The following SGCZ variants were observed in gnomAD, a reference collection of about 807,000 sequenced individuals.
SGCZ encodes the protein sarcoglycan zeta.
Under a neutral mutation model 41.3 loss-of-function variants are expected in SGCZ, and 40 were observed. That is an observed-to-expected ratio of 0.97 (90% CI 0.75 to 1.26). The LOEUF is 1.26. Among genes scored for constraint, SGCZ ranks in the 50% most tolerant of loss-of-function variants. SGCZ has a pLI of 0.00. For synonymous variants in SGCZ, 206 were observed against 137.5 expected, an observed-to-expected ratio of 1.50 and a Z score of -3.49; for missense variants, 552 against 369.8, an observed-to-expected ratio of 1.49 and a Z score of -4.04.
intron 7 of SGCZ, among the ~76,000 whole-genome samples, chr8:14,092,037 G>A (rs1301181562): frequency 6.6e-6 from 1 of 152,068 alleles, no homozygotes; most frequent in African/African-American, 2.4e-5. Context: ...TCTGCGTATG[G>A]CTAGCCAGTT....
At chr8:14,294,243 T>A (rs183826068) in intron 3 of SGCZ, among the ~76,000 whole-genome samples, 14 of 152,050 alleles carry the variant, frequency 9.2e-5, no homozygotes, top group Admixed American at 1.3e-4. Context: ...TATTTATGTA[T>A]ATATTTATTT....
Position 14,188,830 on chromosome 8 carries a change from T to G in SGCZ, c.425-24128A>C, listed in dbSNP as rs1164677430. ...TTTGTTTGTTTGTTTCTTTGTTTTTTTTTGTTTGTTTGTTTTTTGAGATGG... is the reference window on the plus strand; with the variant it reads ...TTTGTTTGTTTGTTTCTTTGTTTTTGTTTGTTTGTTTGTTTTTTGAGATGG... On this transcript the variant is annotated intron_variant, in intron 4 of 7. Coordinates refer to ENST00000382080, the MANE Select transcript of SGCZ (RefSeq NM_139167.4). Among the ~76,000 whole-genome samples the G allele has an allele frequency of 1.4e-3, 78 of 55,000 alleles. 1 individual carries two copies. The highest frequency in any genetic ancestry group is 0.013 in the Admixed American group (70 of 5,550). 36.1% of individuals were successfully genotyped at this position (55,000 alleles called of 152,430 possible).
intron 1 of SGCZ, among the ~76,000 whole-genome samples, chr8:14,840,775 G>C (rs1348733856): frequency 6.6e-6 from 1 of 152,064 alleles, no homozygotes. Context: ...CATTTGATTA[G>C]ACAGCATCTA....
Position 14,089,705 on chromosome 8 carries a change from A to G in SGCZ, c.*738T>C, listed in dbSNP as rs560195292. 1.2e-4 allele frequency among the ~76,000 whole-genome samples: 18 copies of G among 152,172 alleles called. No individual in the cohort carries two copies. The highest frequency in any genetic ancestry group is 4.3e-4 in the African/African-American group (18 of 41,552). On this transcript the variant is annotated 3_prime_UTR_variant, in exon 8 of 8. Coordinates refer to ENST00000382080, the MANE Select transcript of SGCZ (RefSeq NM_139167.4). ...TGCAGTAGCCATGTAAATACTATAT[A>G]AGGCCATCCAGATCTGACCAATGAC...
intron 2 of SGCZ, among the ~76,000 whole-genome samples, chr8:14,440,754 T>C (rs1036152783): frequency 6.8e-6 from 1 of 147,604 alleles, no homozygotes; most frequent in Admixed American, 6.8e-5. Flanking sequence ...TACATACGTA[T>C]ACACGTATAT....
chr8:14,118,184 A>G (rs1802582759), intron 5 of SGCZ, among the ~76,000 whole-genome samples: 1 of 152,052 alleles, frequency 6.6e-6, no homozygotes, highest in Non-Finnish European at 1.5e-5. Context: ...GGTTGAACTA[A>G]TTTGCACTCC....
chr8:14,564,430 G>A (rs1409176146), intron 1 of SGCZ, among the ~76,000 whole-genome samples: 1 of 152,158 alleles, frequency 6.6e-6, no homozygotes, highest in Non-Finnish European at 1.5e-5. Context: ...ATCCCAGCTT[G>A]TCCATTGCCT....
intron 1 of SGCZ, among the ~76,000 whole-genome samples, chr8:14,951,923 G>A (rs978180565): frequency 2.6e-5 from 4 of 152,012 alleles, no homozygotes; most frequent in African/African-American, 9.7e-5. Flanking sequence ...TGCTTGCCTA[G>A]TGGGCATTCT....
chr8:14,937,536 T>C (rs1354672674), intron 1 of SGCZ, among the ~76,000 whole-genome samples: 4 of 152,080 alleles, frequency 2.6e-5, no homozygotes, highest in East Asian at 1.9e-4. Flanking sequence ...CTCTTTGTTA[T>C]ATCAGCCAAG....
chr8:14,609,410 T>C (rs1805855889), intron 1 of SGCZ, among the ~76,000 whole-genome samples: 2 of 152,264 alleles, frequency 1.3e-5, no homozygotes, highest in East Asian at 3.9e-4. Flanking sequence ...ATAAGTCACT[T>C]TGAGATTCTT....
intron 1 of SGCZ, among the ~76,000 whole-genome samples, chr8:15,209,622 G>C (rs934309749): frequency 2.0e-5 from 3 of 152,040 alleles, no homozygotes; most frequent in African/African-American, 7.2e-5. Context: ...AATTCTGTAA[G>C]TGAGAAGATT....
chr8:14,640,784 C>G (rs1211739539), intron 1 of SGCZ, among the ~76,000 whole-genome samples: 1 of 151,596 alleles, frequency 6.6e-6, no homozygotes, highest in Admixed American at 6.6e-5. Context: ...CATCCTCTGT[C>G]CAGAGACAGT....
At chr8:14,212,011 C>T (rs567277924) in intron 4 of SGCZ, among the ~76,000 whole-genome samples, 8 of 152,108 alleles carry the variant, frequency 5.3e-5, no homozygotes, top group Non-Finnish European at 1.0e-4. Context: ...TCTGTCCCAT[C>T]CCTAAGATAG....
At chr8:14,897,184 C>A (rs965263181) in intron 1 of SGCZ, among the ~76,000 whole-genome samples, 1 of 152,026 alleles carries the variant, frequency 6.6e-6, no homozygotes, top group Non-Finnish European at 1.5e-5. Context: ...ATGAGAGAAT[C>A]ATGTAAAGGT....
At chr8:14,554,441 T>C (rs1352376840) in intron 2 of SGCZ, among the ~76,000 whole-genome samples, 1 of 152,200 alleles carries the variant, frequency 6.6e-6, no homozygotes, top group South Asian at 2.1e-4. Flanking sequence ...CAGTAAGTAA[T>C]AGTTCATACT....
chr8:14,390,023 A>G (rs1443605689), intron 2 of SGCZ, among the ~76,000 whole-genome samples: 1 of 152,000 alleles, frequency 6.6e-6, no homozygotes, highest in East Asian at 1.9e-4. Context: ...GCAAGACTGA[A>G]GAAAAAAACA....
At chr8:14,776,368 T>G (rs1800401120) in intron 1 of SGCZ, among the ~76,000 whole-genome samples, 2 of 152,120 alleles carry the variant, frequency 1.3e-5, no homozygotes, top group Non-Finnish European at 2.9e-5. Context: ...CACACTCTCT[T>G]GCCTGCCACC....
intron 1 of SGCZ, among the ~76,000 whole-genome samples, chr8:14,665,480 C>A (rs1018214104): frequency 1.3e-5 from 2 of 152,008 alleles, no homozygotes; most frequent in African/African-American, 4.8e-5. Flanking sequence ...CATACGTGTG[C>A]GTGTCTTTAT....
chr8:14,917,025 C>G (rs1467250457), intron 1 of SGCZ, among the ~76,000 whole-genome samples: 1 of 151,958 alleles, frequency 6.6e-6, no homozygotes, highest in Non-Finnish European at 1.5e-5. Flanking sequence ...GAAATAGAAA[C>G]AGTCACAGCT....
Sources: allele counts gnomAD v4.1 joint callset (sites outside exome capture counted in the v4.1 genomes callset), GRCh38; gene constraint gnomAD v4.1.1; transcripts MANE v1.5; gene names NCBI Gene and HGNC (gene_info 2026-07-23, HGNC 2026-07-21).